SLC71A2: variants seen among roughly 807,000 people sequenced by gnomAD.
SLC71A2 encodes the protein hippocampus abundant transcript-like 1.
chr9:94,416,521 G>A, the SLC71A2 span, among the ~76,000 whole-genome samples: 1 of 152,178 alleles, frequency 6.6e-6, no homozygotes. Context: ...AGACTTTGCT[G>A]TGAACCTTTT....
At chr9:94,454,760 T>TCA in the SLC71A2 span, among the ~76,000 whole-genome samples, 2 of 152,208 alleles carry the variant, frequency 1.3e-5, no homozygotes, top group African/African-American at 4.8e-5. Context: ...CTATGACTTA[T>TCA]CATTACCTAT....
At chr9:94,414,121 T>C in the SLC71A2 span, among the ~76,000 whole-genome samples, 4 of 152,168 alleles carry the variant, frequency 2.6e-5, no homozygotes, top group African/African-American at 9.7e-5. Flanking sequence ...CAAAGTCATA[T>C]TGTGAAAATG....
the SLC71A2 span, among the ~76,000 whole-genome samples, chr9:94,431,698 C>G: frequency 6.6e-6 from 1 of 151,150 alleles, no homozygotes; most frequent in Admixed American, 6.6e-5. Flanking sequence ...GAAAAAAGTC[C>G]CTGGCTGAAA....
the SLC71A2 span, among the ~76,000 whole-genome samples, chr9:94,417,828 A>T: frequency 7.2e-6 from 1 of 139,784 alleles, no homozygotes; most frequent in African/African-American, 2.6e-5. Context: ...ACTCCTTTTG[A>T]GACTCTCCTT....
the SLC71A2 span, chr9:94,374,814 C>T: frequency 3.5e-5 from 26 of 735,328 alleles, no homozygotes; most frequent in Non-Finnish European, 4.7e-5. Context: ...CGGGCATGGC[C>T]GCGGCATGAG....
At chr9:94,402,225 A>G in the SLC71A2 span, among the ~76,000 whole-genome samples, 53 of 152,304 alleles carry the variant, frequency 3.5e-4, no homozygotes, top group African/African-American at 1.3e-3. Context: ...CCCAGCTCCT[A>G]TTCAAGATGG....
At chr9:94,436,793 G>T in the SLC71A2 span, among the ~76,000 whole-genome samples, 2 of 152,200 alleles carry the variant, frequency 1.3e-5, no homozygotes, top group African/African-American at 2.4e-5. Context: ...TTATGTGAAC[G>T]TGGAGACTTC....
chr9:94,390,259 C>T, the SLC71A2 span, among the ~76,000 whole-genome samples: 1 of 149,818 alleles, frequency 6.7e-6, no homozygotes, highest in South Asian at 2.1e-4. Context: ...GTTTACCCCG[C>T]TCATAAGGGA....
chr9:94,409,086 G>C, the SLC71A2 span, among the ~76,000 whole-genome samples: 4 of 147,616 alleles, frequency 2.7e-5, no homozygotes, highest in East Asian at 7.9e-4. Context: ...GCCTGCCTCG[G>C]CCTCCCAAAG....
At chr9:94,393,817 C>A in the SLC71A2 span, among the ~76,000 whole-genome samples, 2 of 106,694 alleles carry the variant, frequency 1.9e-5, 1 homozygote, top group Non-Finnish European at 4.3e-5. Context: ...GCTCAGGGGT[C>A]TTTGTGATAT....
the SLC71A2 span, among the ~76,000 whole-genome samples, chr9:94,401,929 G>A: frequency 3.9e-5 from 6 of 152,186 alleles, no homozygotes; most frequent in African/African-American, 1.4e-4. Flanking sequence ...TAAACAAGGG[G>A]TGGATTATTC....
At chr9:94,436,890 A>G in the SLC71A2 span, among the ~76,000 whole-genome samples, 3 of 152,348 alleles carry the variant, frequency 2.0e-5, no homozygotes, top group South Asian at 6.2e-4. Flanking sequence ...GATAGGCACC[A>G]CGGGTACAGA....
the SLC71A2 span, among the ~76,000 whole-genome samples, chr9:94,444,279 T>A: frequency 6.6e-6 from 1 of 152,214 alleles, no homozygotes; most frequent in African/African-American, 2.4e-5. Context: ...CTTCAGGTTG[T>A]GGGTGTGCTT....
the SLC71A2 span, among the ~76,000 whole-genome samples, chr9:94,415,771 A>G: frequency 3.9e-5 from 6 of 152,120 alleles, no homozygotes; most frequent in African/African-American, 1.4e-4. Context: ...CTGATCTGAC[A>G]GGAGGCAGAA....
chr9:94,428,732 T>C, the SLC71A2 span, among the ~76,000 whole-genome samples: 1 of 151,910 alleles, frequency 6.6e-6, no homozygotes, highest in Non-Finnish European at 1.5e-5. Context: ...ATATGCTGAG[T>C]TTTGATAAAT....
chr9:94,442,655 A>G, the SLC71A2 span, among the ~76,000 whole-genome samples: 2 of 151,098 alleles, frequency 1.3e-5, no homozygotes, highest in Admixed American at 6.7e-5. Context: ...AATCGAGACC[A>G]TCCTGGCCAA....
the SLC71A2 span, among the ~76,000 whole-genome samples, chr9:94,443,510 T>G: frequency 6.6e-6 from 1 of 150,514 alleles, no homozygotes; most frequent in African/African-American, 2.4e-5. Flanking sequence ...GCTACGGCAA[T>G]GATTAGTCAT....
the SLC71A2 span, among the ~76,000 whole-genome samples, chr9:94,379,637 A>C: frequency 6.6e-6 from 1 of 151,594 alleles, no homozygotes; most frequent in African/African-American, 2.4e-5. Context: ...GTAATCCTCC[A>C]GCCTCAGCCT....
At chr9:94,384,143 C>A in the SLC71A2 span, among the ~76,000 whole-genome samples, 1 of 152,232 alleles carries the variant, frequency 6.6e-6, no homozygotes, top group East Asian at 1.9e-4. Flanking sequence ...CATGAAACAA[C>A]AACTCCATTT....
Sources: allele counts gnomAD v4.1 joint callset (sites outside exome capture counted in the v4.1 genomes callset), GRCh38; gene constraint gnomAD v4.1.1; transcripts MANE v1.5; gene names NCBI Gene and HGNC (gene_info 2026-07-23, HGNC 2026-07-21).